Variants in PARD3B observed in about 807,000 individuals in gnomAD.
PARD3B encodes the protein par-3 family cell polarity regulator beta.
In PARD3B, 103 loss-of-function variants were observed where a neutral mutation model predicts 130.2. That is an observed-to-expected ratio of 0.79 (90% CI 0.67 to 0.93). The LOEUF (loss-of-function observed/expected upper bound fraction) is 0.93, where lower values mean the gene tolerates loss of function less well. PARD3B is among the 40% of genes least tolerant of loss of function. The pLI is 0.00. For missense variants in PARD3B, 1,609 were observed against 1,499.2 expected (o/e 1.07, Z -1.21); for synonymous variants, 583 against 553.2 (o/e 1.05, Z -0.76).
At chr2:205,202,451 C>A (rs191137520) in intron 15 of PARD3B, among the ~76,000 whole-genome samples, 6 of 152,242 alleles carry the variant, frequency 3.9e-5, no homozygotes, top group Admixed American at 3.3e-4. Context: ...TTCATTCTTA[C>A]TACTATTAAT....
At chr2:205,472,697 G>C (rs1045715198) in intron 20 of PARD3B, among the ~76,000 whole-genome samples, 1 of 152,066 alleles carries the variant, frequency 6.6e-6, no homozygotes, top group African/African-American at 2.4e-5. Context: ...GCCCAGTAAT[G>C]GTTCTTACAG....
At chr2:204,810,060 A>G (rs541120490) in intron 2 of PARD3B, among the ~76,000 whole-genome samples, 1 of 149,936 alleles carries the variant, frequency 6.7e-6, no homozygotes, top group East Asian at 2.0e-4. Flanking sequence ...AATGTATAGG[A>G]ATGCTAGTGA....
intron 13 of PARD3B, among the ~76,000 whole-genome samples, chr2:205,185,540 G>A (rs1278570889): frequency 6.6e-6 from 1 of 152,174 alleles, no homozygotes; most frequent in Non-Finnish European, 1.5e-5. Flanking sequence ...GCTAGGGGTT[G>A]CCTGCAGGTC....
At chr2:204,891,186 CT>C (rs57462873) in intron 2 of PARD3B, among the ~76,000 whole-genome samples, 7,298 of 138,308 alleles carry the variant, frequency 0.053, 456 homozygotes, top group African/African-American at 0.16. Flanking sequence ...AAGTCCTTTT[CT>C]TTTTTTTTTT....
chr2:204,844,714 A>G (rs2044395290), intron 2 of PARD3B, among the ~76,000 whole-genome samples: 1 of 152,128 alleles, frequency 6.6e-6, no homozygotes. Context: ...TTACAGGCCT[A>G]TTCTTTTTAG....
intron 2 of PARD3B, among the ~76,000 whole-genome samples, chr2:204,849,241 T>C (rs2044604108): frequency 6.6e-6 from 1 of 152,156 alleles, no homozygotes; most frequent in African/African-American, 2.4e-5. Context: ...GAAAAATGAA[T>C]ACTCTGTAGG....
chr2:205,373,303 A>C (rs2044896270), intron 18 of PARD3B, among the ~76,000 whole-genome samples: 1 of 152,200 alleles, frequency 6.6e-6, no homozygotes, highest in Non-Finnish European at 1.5e-5. Context: ...CACTGCTCTG[A>C]TCCTAGGTGT....
chr2:204,578,383 A>G (rs2125077129), intron 1 of PARD3B, among the ~76,000 whole-genome samples: 1 of 152,162 alleles, frequency 6.6e-6, no homozygotes, highest in East Asian at 1.9e-4. Flanking sequence ...ATCTTCTGGA[A>G]TATAGCTGGG....
At chr2:204,937,000 G>C (rs1206832608) in intron 2 of PARD3B, among the ~76,000 whole-genome samples, 2 of 152,238 alleles carry the variant, frequency 1.3e-5, no homozygotes, top group Non-Finnish European at 2.9e-5. Flanking sequence ...TAAAGGTATT[G>C]AGTAATATTA....
At chr2:205,437,143 C>T (rs2047545910) in intron 19 of PARD3B, among the ~76,000 whole-genome samples, 1 of 152,144 alleles carries the variant, frequency 6.6e-6, no homozygotes, top group Non-Finnish European at 1.5e-5. Context: ...GTGGTGCACT[C>T]CGCCTTTAGG....
rs1442138438 is a variant in PARD3B at position 205,241,376 on chromosome 2, C to T, written c.2141-4402C>T. 9.9e-5 allele frequency among the ~76,000 whole-genome samples: 15 copies of T among 152,144 alleles called. No homozygotes were observed. The highest frequency in any genetic ancestry group is 9.8e-4 in the Admixed American group (15 of 15,264). On this transcript the variant is annotated intron_variant, in intron 15 of 22. Coordinates refer to ENST00000406610, the MANE Select transcript of PARD3B (RefSeq NM_001302769.2). This position sits in a 1 kb window ranked among gnomAD's most constrained non-coding sequence, Gnocchi z 4.2. ...GATCAAGAGGAGGCAGTCCATGGTA[C>T]TCTCTAAGTATGTAATAATGGTTAT...
At chr2:204,738,013 A>G (rs2039835387) in intron 2 of PARD3B, among the ~76,000 whole-genome samples, 1 of 152,050 alleles carries the variant, frequency 6.6e-6, no homozygotes, top group Non-Finnish European at 1.5e-5. Flanking sequence ...ATACCTCCAG[A>G]TTTGTTCAAA....
At chr2:204,835,152 C>T (rs939988076) in intron 2 of PARD3B, among the ~76,000 whole-genome samples, 3 of 152,200 alleles carry the variant, frequency 2.0e-5, no homozygotes, top group African/African-American at 7.2e-5. Context: ...ATATATCTGT[C>T]TCTAAGTAAT....
chr2:204,991,661 C>T (rs1283893479), intron 3 of PARD3B, among the ~76,000 whole-genome samples: 1 of 149,704 alleles, frequency 6.7e-6, no homozygotes, highest in Admixed American at 6.6e-5. Context: ...CACCGACTTC[C>T]ACAATGGTTG....
chr2:205,159,767 C>G (rs2034402196), intron 11 of PARD3B, among the ~76,000 whole-genome samples: 2 of 152,304 alleles, frequency 1.3e-5, no homozygotes, highest in Middle Eastern at 6.8e-3. Context: ...TCTGCCTTAC[C>G]TACTCTCTCC....
chr2:205,608,083 G>C (rs913304180), intron 22 of PARD3B, among the ~76,000 whole-genome samples: 5 of 152,106 alleles, frequency 3.3e-5, no homozygotes, highest in African/African-American at 7.2e-5. Context: ...AATTGCATGT[G>C]CTACTCTAAC....
At chr2:205,601,580 A>G (rs1230372874) in intron 22 of PARD3B, among the ~76,000 whole-genome samples, 1 of 152,112 alleles carries the variant, frequency 6.6e-6, no homozygotes, top group African/African-American at 2.4e-5. Flanking sequence ...GCCTGTGCCT[A>G]TGTCCTGAGT....
chr2:205,154,852 C>T (rs186490245), intron 10 of PARD3B, among the ~76,000 whole-genome samples: 1 of 152,268 alleles, frequency 6.6e-6, no homozygotes, highest in African/African-American at 2.4e-5. Context: ...ACAATGAGAA[C>T]AGTTGGACAC....
chr2:205,157,858 T>C (rs1406774418), intron 10 of PARD3B, among the ~76,000 whole-genome samples: 2 of 152,150 alleles, frequency 1.3e-5, no homozygotes, highest in African/African-American at 4.8e-5. Flanking sequence ...ACAGCACTTG[T>C]CTGTTCCCAC....
Sources: gnomAD v4.1 joint callset for allele counts (sites outside exome capture counted in the v4.1 genomes callset) on GRCh38, gnomAD v4.1.1 for gene constraint, Gnocchi (gnomAD v3.1) non-coding constraint, MANE v1.5 for transcripts, NCBI Gene and HGNC (gene_info 2026-07-23, HGNC 2026-07-21) for gene names.